DLG2: variants seen among roughly 807,000 people sequenced by gnomAD.
The protein encoded by DLG2 is discs large MAGUK scaffold protein 2.
A neutral mutation model predicts 132.5 loss-of-function variants in DLG2; 45 were observed. That is an observed-to-expected ratio of 0.34 (90% CI 0.27 to 0.44). DLG2 has a LOEUF of 0.44. Ranked by LOEUF, DLG2 falls within the 20% of genes least tolerant of loss-of-function variation. The pLI, the probability that DLG2 is intolerant of heterozygous loss-of-function variation, is 1.00. For missense variants in DLG2, 1,045 were observed against 1,196.9 expected, an observed-to-expected ratio of 0.87 and a Z score of 1.87; for synonymous variants, 424 against 419.6, an observed-to-expected ratio of 1.01 and a Z score of -0.13.
intron 6 of DLG2, among the ~76,000 whole-genome samples, chr11:84,880,094 TGTA>T (rs1182326619): frequency 6.6e-6 from 1 of 152,038 alleles, no homozygotes; most frequent in African/African-American, 2.4e-5. Flanking sequence ...AAAGAGATGA[TGTA>T]GTAGTCATAG....
At chr11:83,792,063 A>G (rs563425299) in intron 17 of DLG2, among the ~76,000 whole-genome samples, 42 of 152,228 alleles carry the variant, frequency 2.8e-4, no homozygotes, top group African/African-American at 9.6e-4. Flanking sequence ...TTTCATTATC[A>G]TATCAGCTCA....
chr11:85,049,987 C>G (rs991226926), intron 6 of DLG2, among the ~76,000 whole-genome samples: 1 of 151,984 alleles, frequency 6.6e-6, no homozygotes, highest in East Asian at 1.9e-4. Flanking sequence ...GAATCTCTAG[C>G]TATCAGAAAT....
chr11:85,015,975 C>T (rs1011494773), intron 6 of DLG2, among the ~76,000 whole-genome samples: 4 of 151,710 alleles, frequency 2.6e-5, no homozygotes, highest in African/African-American at 7.3e-5. Flanking sequence ...ATGTCTACTA[C>T]AAAAAAGTCA....
At chr11:84,436,533 G>C (rs1278962293) in intron 7 of DLG2, among the ~76,000 whole-genome samples, 1 of 152,174 alleles carries the variant, frequency 6.6e-6, no homozygotes. Context: ...TGTTTCACAA[G>C]ATTTTGTTAC....
intron 7 of DLG2, among the ~76,000 whole-genome samples, chr11:84,365,153 T>G (rs1251284118): frequency 6.6e-6 from 1 of 152,186 alleles, no homozygotes; most frequent in African/African-American, 2.4e-5. Context: ...GGACTCTTTT[T>G]GGTTGGTAAG....
intron 6 of DLG2, among the ~76,000 whole-genome samples, chr11:84,734,828 T>C (rs1470181548): frequency 1.3e-5 from 2 of 152,296 alleles, no homozygotes; most frequent in South Asian, 2.1e-4. Context: ...ACCTAATTGA[T>C]TGAGAGTTTT....
chr11:84,529,441 C>T (rs934108106), intron 7 of DLG2, among the ~76,000 whole-genome samples: 1 of 152,132 alleles, frequency 6.6e-6, no homozygotes, highest in South Asian at 2.1e-4. Context: ...ACAACTTCAG[C>T]AAAGTTTCAG....
At chr11:84,352,161 T>G (rs1386794851) in intron 7 of DLG2, among the ~76,000 whole-genome samples, 1 of 152,216 alleles carries the variant, frequency 6.6e-6, no homozygotes, top group Non-Finnish European at 1.5e-5. Context: ...CCGCTCTTGC[T>G]CCACAGCATG....
chr11:84,857,796 T>C (rs1027566740), intron 6 of DLG2, among the ~76,000 whole-genome samples: 5 of 152,082 alleles, frequency 3.3e-5, no homozygotes, highest in African/African-American at 9.7e-5. Flanking sequence ...CTTTGGCCTG[T>C]TGTTTGGATC....
At chr11:85,308,021 G>A (rs1412372693) in intron 3 of DLG2, among the ~76,000 whole-genome samples, 2 of 151,930 alleles carry the variant, frequency 1.3e-5, no homozygotes, top group Non-Finnish European at 1.5e-5. Context: ...TGGGTGTGGT[G>A]GCACATGCCT....
At chr11:85,570,993 A>C (rs1178552165) in intron 3 of DLG2, among the ~76,000 whole-genome samples, 1 of 152,004 alleles carries the variant, frequency 6.6e-6, no homozygotes, top group Non-Finnish European at 1.5e-5. Flanking sequence ...TATTTTGTGA[A>C]ATATTGCTCT....
intron 7 of DLG2, chr11:84,316,980 G>T: frequency 6.2e-7 from 1 of 1,612,752 alleles, no homozygotes; most frequent in Admixed American, 1.7e-5. Flanking sequence ...GGGCCCCCTG[G>T]TCCTGAGGAG....
intron 7 of DLG2, among the ~76,000 whole-genome samples, chr11:84,371,827 G>A (rs950868019): frequency 6.6e-6 from 1 of 151,956 alleles, no homozygotes; most frequent in Non-Finnish European, 1.5e-5. Context: ...TCTCCTGCAT[G>A]GTATATAAGG....
chr11:84,468,109 A>G (rs1305434799), intron 7 of DLG2, among the ~76,000 whole-genome samples: 4 of 151,604 alleles, frequency 2.6e-5, no homozygotes, highest in Non-Finnish European at 5.9e-5. Context: ...AAAGTGCACA[A>G]TACCTGATGG....
chr11:84,181,874 AC>A (rs1395428207), intron 8 of DLG2, among the ~76,000 whole-genome samples: 1 of 152,186 alleles, frequency 6.6e-6, no homozygotes, highest in African/African-American at 2.4e-5. Flanking sequence ...GTGCCAAAAT[AC>A]ATGGGGGTAA....
intron 6 of DLG2, among the ~76,000 whole-genome samples, chr11:84,992,751 T>C (rs532646553): frequency 7.9e-5 from 12 of 152,342 alleles, no homozygotes; most frequent in African/African-American, 2.9e-4. Context: ...TGTTTTTTTC[T>C]TTTTGTAGAT....
intron 3 of DLG2, among the ~76,000 whole-genome samples, chr11:85,333,094 T>C (rs939110086): frequency 6.6e-6 from 1 of 152,196 alleles, no homozygotes; most frequent in Non-Finnish European, 1.5e-5. Flanking sequence ...TGGAATAATT[T>C]TCCATTTGTT....
At chr11:84,887,238 T>G (rs754930515) in intron 6 of DLG2, 6 of 152,100 alleles carry the variant, frequency 3.9e-5, no homozygotes, top group Non-Finnish European at 5.9e-5. Context: ...GCTCTACAAA[T>G]AGTATACTGG....
At chr11:85,102,385 C>G (rs2071019839) in intron 6 of DLG2, among the ~76,000 whole-genome samples, 2 of 151,924 alleles carry the variant, frequency 1.3e-5, no homozygotes, top group Non-Finnish European at 2.9e-5. Flanking sequence ...AAGAAATAAG[C>G]AACTCAGAAT....
Sources: allele counts gnomAD v4.1 joint callset (sites outside exome capture counted in the v4.1 genomes callset), GRCh38; gene constraint gnomAD v4.1.1; transcripts MANE v1.5; gene names NCBI Gene and HGNC (gene_info 2026-07-23, HGNC 2026-07-21).